Variants in GALNT13 observed in about 807,000 individuals in gnomAD.
GALNT13 encodes polypeptide N-acetylgalactosaminyltransferase 13.
A neutral mutation model predicts 64.2 loss-of-function variants in GALNT13; 28 were observed. That is an observed-to-expected ratio of 0.44 (90% CI 0.32 to 0.60). The LOEUF is 0.60. Ranked by LOEUF, GALNT13 falls within the 20% of genes least tolerant of loss-of-function variation. The probability of loss-of-function intolerance (pLI) is 0.05; values close to 1 mark genes in which losing one functional copy is unlikely to be tolerated. For synonymous variants in GALNT13, 214 were observed against 224.6 expected (o/e 0.95, Z 0.42); for missense variants, 577 against 669.8 (o/e 0.86, Z 1.53).
At chr2:153,252,960 T>C in the GALNT13 span, among the ~76,000 whole-genome samples, 2 of 152,102 alleles carry the variant, frequency 1.3e-5, no homozygotes, top group East Asian at 3.9e-4. Flanking sequence ...CAGGCTCTTT[T>C]TTGGTTCCAT....
chr2:154,390,406 T>C (rs1698731644), intron 9 of GALNT13, among the ~76,000 whole-genome samples: 1 of 152,146 alleles, frequency 6.6e-6, no homozygotes. Flanking sequence ...TAGACTACAG[T>C]GTGTATTGTT....
intron 4 of GALNT13, among the ~76,000 whole-genome samples, chr2:154,236,363 T>A (rs975795041): frequency 6.6e-6 from 1 of 152,148 alleles, no homozygotes; most frequent in Non-Finnish European, 1.5e-5. Flanking sequence ...AAGAGTTTTT[T>A]AAAAATATTT....
At chr2:153,468,031 T>C in the GALNT13 span, among the ~76,000 whole-genome samples, 1 of 151,900 alleles carries the variant, frequency 6.6e-6, no homozygotes, top group African/African-American at 2.4e-5. Flanking sequence ...GTATTAAAAC[T>C]CTGTAACTTC....
chr2:153,112,165 C>G, the GALNT13 span, among the ~76,000 whole-genome samples: 1 of 152,130 alleles, frequency 6.6e-6, no homozygotes, highest in Admixed American at 6.6e-5. Flanking sequence ...TTCACTCATC[C>G]ATTCCCAGGG....
chr2:153,240,006 G>A, the GALNT13 span, among the ~76,000 whole-genome samples: 2 of 152,092 alleles, frequency 1.3e-5, no homozygotes, highest in African/African-American at 4.8e-5. Context: ...ACTTGTTACT[G>A]ATCTGTTCAG....
At chr2:154,032,854 C>A (rs1216983635) in intron 3 of GALNT13, among the ~76,000 whole-genome samples, 4 of 140,374 alleles carry the variant, frequency 2.8e-5, no homozygotes, top group Non-Finnish European at 6.1e-5. Context: ...GGTATATGAA[C>A]CTACATTTCC....
chr2:154,385,167 T>TA (rs1698451432), intron 9 of GALNT13, among the ~76,000 whole-genome samples: 2 of 151,956 alleles, frequency 1.3e-5, no homozygotes, highest in Admixed American at 1.3e-4. Flanking sequence ...CCTGCAGCAC[T>TA]AGTGATGGAT....
the GALNT13 span, among the ~76,000 whole-genome samples, chr2:153,499,774 A>G: frequency 2.6e-5 from 4 of 152,230 alleles, no homozygotes; most frequent in African/African-American, 9.6e-5. Context: ...CTCTGAAATC[A>G]GAGCATCCAC....
intron 9 of GALNT13, among the ~76,000 whole-genome samples, chr2:154,344,023 C>T (rs539512755): frequency 6.6e-6 from 1 of 151,898 alleles, no homozygotes. Flanking sequence ...AAAAGGGACA[C>T]TCTTTTCTCT....
chr2:154,148,658 G>T (rs1683774625), intron 4 of GALNT13, among the ~76,000 whole-genome samples: 1 of 152,220 alleles, frequency 6.6e-6, no homozygotes, highest in African/African-American at 2.4e-5. Flanking sequence ...GTTTTGATTT[G>T]CATTTCTCTG....
chr2:154,367,430 T>A (rs1344198184), intron 9 of GALNT13, among the ~76,000 whole-genome samples: 3 of 152,198 alleles, frequency 2.0e-5, no homozygotes, highest in Admixed American at 6.5e-5. Context: ...GTTATGTACG[T>A]CCCTACCTGG....
At chr2:154,252,478 TCC>T (rs773078432) in intron 7 of GALNT13, among the ~76,000 whole-genome samples, 1 of 151,678 alleles carries the variant, frequency 6.6e-6, no homozygotes, top group African/African-American at 2.4e-5. Flanking sequence ...TGCCTCAGCC[TCC>T]CAAGTAGCTG....
the GALNT13 span, among the ~76,000 whole-genome samples, chr2:153,566,523 T>G: frequency 6.6e-6 from 1 of 152,092 alleles, no homozygotes; most frequent in Non-Finnish European, 1.5e-5. Flanking sequence ...CCCGGCTAAT[T>G]TTTTCTATTT....
chr2:153,621,896 A>G, the GALNT13 span, among the ~76,000 whole-genome samples: 1 of 152,272 alleles, frequency 6.6e-6, no homozygotes, highest in Admixed American at 6.5e-5. Context: ...GATTTTGGAT[A>G]GTAATACAGA....
chr2:153,701,347 A>T, the GALNT13 span, among the ~76,000 whole-genome samples: 1 of 152,258 alleles, frequency 6.6e-6, no homozygotes, highest in Non-Finnish European at 1.5e-5. Context: ...ATTTAATTCA[A>T]GATGGATTAA....
At chr2:154,068,440 C>T (rs12693911) in intron 3 of GALNT13, among the ~76,000 whole-genome samples, 1 of 151,740 alleles carries the variant, frequency 6.6e-6, no homozygotes, top group African/African-American at 2.4e-5. Flanking sequence ...CTATTCACAA[C>T]AGCCAGGGAG....
chr2:153,290,951 G>A, the GALNT13 span, among the ~76,000 whole-genome samples: 1 of 152,074 alleles, frequency 6.6e-6, no homozygotes, highest in Admixed American at 6.5e-5. Context: ...TGTTCACTAC[G>A]AAATTTAGCA....
the GALNT13 span, among the ~76,000 whole-genome samples, chr2:153,807,143 T>C: frequency 1.3e-5 from 2 of 152,042 alleles, no homozygotes; most frequent in Non-Finnish European, 2.9e-5. Flanking sequence ...TTTCCTCTTT[T>C]AGCAACCCCA....
At chr2:153,998,595 G>T (rs534811250) in intron 3 of GALNT13, among the ~76,000 whole-genome samples, 1 of 152,124 alleles carries the variant, frequency 6.6e-6, no homozygotes, top group Non-Finnish European at 1.5e-5. Context: ...TCTGTAGGTT[G>T]CCTGTTCACT....
Sources: allele counts gnomAD v4.1 joint callset (sites outside exome capture counted in the v4.1 genomes callset), GRCh38; gene constraint gnomAD v4.1.1; transcripts MANE v1.5; gene names NCBI Gene and HGNC (gene_info 2026-07-23, HGNC 2026-07-21).